The following NAALADL2 variants were observed in gnomAD, a reference collection of about 807,000 sequenced individuals.
NAALADL2 encodes the protein N-acetylated alpha-linked acidic dipeptidase like 2.
A neutral mutation model predicts 87.2 loss-of-function variants in NAALADL2; 76 were observed. The ratio of observed to expected loss-of-function variants is 0.87; its 90% CI spans 0.72 to 1.05. The LOEUF (loss-of-function observed/expected upper bound fraction) is 1.05, where lower values mean the gene tolerates loss of function less well. NAALADL2 is among the 50% of genes least tolerant of loss of function. The pLI is 0.00. For synonymous variants in NAALADL2, 354 were observed against 331.0 expected, an observed-to-expected ratio of 1.07 and a Z score of -0.75; for missense variants, 1,089 against 945.8, an observed-to-expected ratio of 1.15 and a Z score of -1.99.
intron 2 of NAALADL2, among the ~76,000 whole-genome samples, chr3:175,132,153 C>T (rs1364071733): frequency 3.9e-4 from 47 of 119,542 alleles, no homozygotes; most frequent in African/African-American, 5.6e-4. Flanking sequence ...CCCCACCTCC[C>T]TCCCGGACGG....
intron 2 of NAALADL2, among the ~76,000 whole-genome samples, chr3:174,667,546 T>TTTTTTG (rs1553814200): frequency 4.2e-5 from 1 of 23,534 alleles, no homozygotes; most frequent in Admixed American, 7.6e-4. Context: ...TGGGAGAGAG[T>TTTTTTG]TTTTTTTTTT....
chr3:175,040,300 G>C (rs1051179707), intron 1 of NAALADL2, among the ~76,000 whole-genome samples: 11 of 152,106 alleles, frequency 7.2e-5, no homozygotes, highest in African/African-American at 2.4e-4. Context: ...CTCCTAACTA[G>C]TCTATAATCT....
intron 1 of NAALADL2, among the ~76,000 whole-genome samples, chr3:174,885,761 G>GGAATATATA (rs1189496967): frequency 5.3e-5 from 8 of 151,360 alleles, no homozygotes; most frequent in African/African-American, 1.7e-4. Flanking sequence ...CAAAACTAAT[G>GGAATATATA]GAATATATAA....
At chr3:175,118,068 G>T (rs1725550871) in intron 2 of NAALADL2, among the ~76,000 whole-genome samples, 1 of 151,756 alleles carries the variant, frequency 6.6e-6, no homozygotes, top group Admixed American at 6.6e-5. Context: ...TGAACAATGA[G>T]AACACTTGGA....
At chr3:174,642,513 A>G (rs1286991989) in intron 2 of NAALADL2, among the ~76,000 whole-genome samples, 1 of 150,078 alleles carries the variant, frequency 6.7e-6, no homozygotes, top group African/African-American at 2.4e-5. Flanking sequence ...GGGATAAAAA[A>G]AAAAAAAAAA....
At chr3:174,444,348 G>C (rs576854834) in intron 1 of NAALADL2, among the ~76,000 whole-genome samples, 1 of 152,216 alleles carries the variant, frequency 6.6e-6, no homozygotes, top group South Asian at 2.1e-4. Context: ...ATGAGATCCA[G>C]GTGTGGTACA....
intron 4 of NAALADL2, among the ~76,000 whole-genome samples, chr3:175,293,779 T>C (rs558847093): frequency 1.3e-5 from 2 of 152,306 alleles, no homozygotes; most frequent in East Asian, 3.9e-4. Flanking sequence ...ATTTCAGGTT[T>C]CCCAGGCTCT....
intron 2 of NAALADL2, among the ~76,000 whole-genome samples, chr3:174,692,279 T>G (rs895857427): frequency 3.9e-5 from 6 of 152,228 alleles, no homozygotes; most frequent in Non-Finnish European, 8.8e-5. Flanking sequence ...CGCCTCTGGC[T>G]TTGCTCTTCT....
chr3:175,215,000 GGACT>G (rs1167985993), intron 2 of NAALADL2, among the ~76,000 whole-genome samples: 5 of 152,006 alleles, frequency 3.3e-5, no homozygotes, highest in African/African-American at 1.2e-4. Context: ...TAAACTATAC[GGACT>G]AATTTTTATG....
At chr3:175,133,518 G>A (rs922430731) in intron 2 of NAALADL2, among the ~76,000 whole-genome samples, 1 of 152,222 alleles carries the variant, frequency 6.6e-6, no homozygotes, top group African/African-American at 2.4e-5. Flanking sequence ...CTAGGAGCTG[G>A]AGACCAGCCC....
intron 1 of NAALADL2, among the ~76,000 whole-genome samples, chr3:174,998,635 G>A (rs117617436): frequency 1.9e-4 from 29 of 152,148 alleles, no homozygotes; most frequent in African/African-American, 3.4e-4. Flanking sequence ...AAATTTTCAC[G>A]TGAATCCTGG....
chr3:175,376,422 C>A (rs1219194207), intron 5 of NAALADL2, among the ~76,000 whole-genome samples: 2 of 151,776 alleles, frequency 1.3e-5, no homozygotes, highest in African/African-American at 4.8e-5. Flanking sequence ...CTTATTTTTT[C>A]TTTCATTGCT....
chr3:174,736,234 A>G (rs1458533097), intron 2 of NAALADL2, among the ~76,000 whole-genome samples: 1 of 152,072 alleles, frequency 6.6e-6, no homozygotes, highest in East Asian at 1.9e-4. Context: ...GTTGCCTGCA[A>G]TGTGGCGAGC....
chr3:175,619,545 T>C (rs1475248754), intron 10 of NAALADL2, among the ~76,000 whole-genome samples: 1 of 151,020 alleles, frequency 6.6e-6, no homozygotes, highest in Non-Finnish European at 1.5e-5. Flanking sequence ...TCTATGCTAA[T>C]GGATTTTTTC....
At chr3:175,798,975 T>C (rs1275947501) in intron 13 of NAALADL2, among the ~76,000 whole-genome samples, 1 of 152,072 alleles carries the variant, frequency 6.6e-6, no homozygotes, top group Non-Finnish European at 1.5e-5. Context: ...TATAACAGTC[T>C]AAGAATCTTT....
intron 5 of NAALADL2, among the ~76,000 whole-genome samples, chr3:175,443,335 A>G (rs1720125337): frequency 6.6e-6 from 1 of 152,214 alleles, no homozygotes; most frequent in Admixed American, 6.5e-5. Context: ...GCATTGCTTC[A>G]TAAGCTTAAT....
chr3:175,437,729 C>A (rs1028096231), intron 5 of NAALADL2, among the ~76,000 whole-genome samples: 1 of 151,850 alleles, frequency 6.6e-6, no homozygotes, highest in African/African-American at 2.4e-5. Context: ...ACCAAAACAG[C>A]ATGGTACTGG....
At chr3:175,320,842 C>G (rs1254666126) in intron 4 of NAALADL2, among the ~76,000 whole-genome samples, 1 of 150,368 alleles carries the variant, frequency 6.7e-6, no homozygotes, top group Non-Finnish European at 1.5e-5. Context: ...TGGCAATAAT[C>G]AATAGTTTAC....
At chr3:175,642,082 G>C (rs1210362710) in intron 11 of NAALADL2, among the ~76,000 whole-genome samples, 1 of 152,146 alleles carries the variant, frequency 6.6e-6, no homozygotes, top group Non-Finnish European at 1.5e-5. Flanking sequence ...CCCTCCCTGG[G>C]TGTCTCTTCT....
Sources: allele counts gnomAD v4.1 joint callset (sites outside exome capture counted in the v4.1 genomes callset), GRCh38; gene constraint gnomAD v4.1.1; transcripts MANE v1.5; gene names NCBI Gene and HGNC (gene_info 2026-07-23, HGNC 2026-07-21).